PATL1: variants seen among roughly 807,000 people sequenced by gnomAD.
The protein encoded by PATL1 is protein PAT1 homolog 1.
A neutral mutation model predicts 100.6 loss-of-function variants in PATL1; 32 were observed. The ratio of observed to expected loss-of-function variants is 0.32; its 90% CI spans 0.24 to 0.43. The LOEUF (loss-of-function observed/expected upper bound fraction) is 0.43, where lower values mean the gene tolerates loss of function less well. PATL1 is among the 20% of genes least tolerant of loss of function. The pLI is 1.00. For missense variants in PATL1, 747 were observed against 949.9 expected (o/e 0.79, Z 2.81); for synonymous variants, 332 against 330.0 (o/e 1.01, Z -0.07).
At chr11:59,666,201 G>A (rs151248115) in intron 2 of PATL1, among the ~76,000 whole-genome samples, 14,165 of 151,646 alleles carry the variant, frequency 0.093, 1,195 homozygotes, top group African/African-American at 0.22. Flanking sequence ...AGCCAAGATC[G>A]TGCCACTGCA....
chr11:59,647,095 T>C (rs928193658), intron 15 of PATL1, among the ~76,000 whole-genome samples: 3 of 151,794 alleles, frequency 2.0e-5, no homozygotes, highest in African/African-American at 7.3e-5. Context: ...TGGTGTCGCA[T>C]GCCTGTAGTC....
intron 15 of PATL1, among the ~76,000 whole-genome samples, chr11:59,643,405 T>C (rs1379424439): frequency 5.3e-5 from 8 of 152,044 alleles, no homozygotes; most frequent in African/African-American, 1.2e-4. Flanking sequence ...ATCTAAAGTA[T>C]AGCGGAGAAG....
intron 14 of PATL1, among the ~76,000 whole-genome samples, chr11:59,648,705 A>G (rs1861399158): frequency 6.6e-6 from 1 of 152,222 alleles, no homozygotes; most frequent in African/African-American, 2.4e-5. Context: ...GTCAATAAAT[A>G]TATTTCAACT....
chr11:59,658,877 G>A lies in PATL1; in HGVS notation c.415C>T (p.Leu139=). The A allele has an allele frequency of 1.3e-6, 2 of 1,548,722 alleles. No individual in the cohort carries two copies. Among genetic ancestry groups the A allele is most frequent in the Non-Finnish European group, 1.7e-6 (2 of 1,146,214 alleles). ...SEVLRRIRGP[L]LAQEMPTVSV... ...AAAATATTTAATACCTGAGCAAGCAGTGGTCCTCGGATTCGCCTCAGAACT... is the reference window on the plus strand; with the variant it reads ...AAAATATTTAATACCTGAGCAAGCAATGGTCCTCGGATTCGCCTCAGAACT... Residue 139 remains leucine, a synonymous_variant, in exon 4 of 19, where the codon CTG becomes TTG. Coordinates refer to ENST00000300146, the MANE Select transcript of PATL1 (RefSeq NM_152716.3).
At chr11:59,663,736 C>T (rs556986786) in intron 2 of PATL1, among the ~76,000 whole-genome samples, 1 of 152,172 alleles carries the variant, frequency 6.6e-6, no homozygotes, top group African/African-American at 2.4e-5. Context: ...AGACTAGTTT[C>T]TTAAGGAAAG....
At chr11:59,659,130 T>C in intron 3 of PATL1, 122 bp downstream of exon 3, 2 of 993,128 alleles carry the variant, frequency 2.0e-6, no homozygotes, top group Non-Finnish European at 3.0e-6. Context: ...GGAAATATAT[T>C]ATCAATTTTC....
In PATL1 at chr11:59,668,952, C is replaced by G; in HGVS notation, c.-57G>C. 2.6e-6 allele frequency: 1 copy of G among 378,800 alleles called. No individual in the cohort carries two copies. Among genetic ancestry groups the G allele is most frequent in the Non-Finnish European group, 4.9e-6 (1 of 203,150 alleles). The allele number at this position is 378,800 out of a possible 1,614,324, so 23.5% of individuals were successfully genotyped here. On this transcript the variant is annotated 5_prime_UTR_variant, in exon 1 of 19. Coordinates refer to ENST00000300146, the MANE Select transcript of PATL1 (RefSeq NM_152716.3). ...GAGAGGGGGAGGGAGGGAAGAAGCG[C>G]TGACTCCCCGGCTCCTCCGCGCGCG...
intron 1 of PATL1, among the ~76,000 whole-genome samples, chr11:59,668,037 T>C (rs552202983): frequency 3.9e-5 from 6 of 152,364 alleles, no homozygotes; most frequent in Admixed American, 3.9e-4. Flanking sequence ...TCCAAACTCA[T>C]GCCAATAGGC....
rs1861596210 is a variant in PATL1 at position 59,659,408 on chromosome 11, T to C, written c.189A>G (p.Ala63=). The change falls in exon 3 of 19, where the codon GCA becomes GCG. Residue 63 remains alanine, a synonymous_variant. Transcript: ENST00000300146. ...CTCCATTGCCTGTTTGTTCATTAACTGCCACTGGTAGCTTTTCTTCCAATT... is the reference window on the plus strand; with the variant it reads ...CTCCATTGCCTGTTTGTTCATTAACCGCCACTGGTAGCTTTTCTTCCAATT... ...LAELEEKLPV[A]VNEQTGNGER... is the part of the protein sequence containing the mutation. 3.9e-6 allele frequency: 6 copies of C among 1,551,346 alleles called. No homozygotes were observed. The highest frequency in any genetic ancestry group is 2.4e-5 in the East Asian group (1 of 40,942).
At chr11:59,668,403 C>T (rs1396129746) in intron 1 of PATL1, among the ~76,000 whole-genome samples, 1 of 152,200 alleles carries the variant, frequency 6.6e-6, no homozygotes, top group African/African-American at 2.4e-5. Flanking sequence ...CAACGGCAAG[C>T]CCAGGCCCCC....
chr11:59,642,070 G>A (rs1861289986), intron 16 of PATL1, among the ~76,000 whole-genome samples: 1 of 152,138 alleles, frequency 6.6e-6, no homozygotes, highest in Admixed American at 6.5e-5. Context: ...TAAGTACCAG[G>A]ACAACTCTAT....
chr11:59,666,768 CT>C (rs1163354642), intron 2 of PATL1, 84 bp downstream of exon 2: 14 of 1,379,218 alleles, frequency 1.0e-5, no homozygotes, highest in Admixed American at 5.1e-5. Context: ...AAGGTTACCC[CT>C]AATAAGATAA....
chr11:59,641,614 G>A (rs943345515), intron 16 of PATL1, among the ~76,000 whole-genome samples: 3 of 151,826 alleles, frequency 2.0e-5, no homozygotes, highest in Non-Finnish European at 2.9e-5. Context: ...TTAGTTGTGC[G>A]TGGTGGCATG....
rs1350541304 is a variant in PATL1 at position 59,638,174 on chromosome 11, A to G, written c.*216T>C. On this transcript the variant is annotated 3_prime_UTR_variant, in exon 19 of 19. Transcript: ENST00000300146. ...ATGCAGAACTGTAACACAGAAGGTA[A>G]AGAAACCAGCAGAAGTATCACCCAG... 1.7e-6 allele frequency: 1 copy of G among 591,782 alleles called. No homozygotes were observed. The highest frequency in any genetic ancestry group is 3.0e-6 in the Non-Finnish European group (1 of 331,982). 36.7% of individuals were successfully genotyped at this position (591,782 alleles called of 1,614,324 possible).
intron 6 of PATL1, 143 bp from the exon 7 acceptor site, chr11:59,656,188 G>C: frequency 3.5e-6 from 2 of 575,142 alleles, no homozygotes; most frequent in Non-Finnish European, 5.9e-6. Context: ...TAGAAAAAAA[G>C]AGTAATGCTA....
intron 15 of PATL1, among the ~76,000 whole-genome samples, chr11:59,643,814 A>G (rs1281300792): frequency 1.3e-5 from 2 of 152,224 alleles, no homozygotes; most frequent in Admixed American, 6.5e-5. Context: ...AAGTGATCAG[A>G]AACTCAGTGT....
intron 11 of PATL1, 95 bp downstream of exon 11, chr11:59,652,369 C>T: frequency 6.9e-7 from 1 of 1,448,494 alleles, no homozygotes; most frequent in Non-Finnish European, 9.2e-7. Flanking sequence ...AACATCTTTG[C>T]ATATCCTTCC....
intron 11 of PATL1, 52 bp downstream of exon 11, chr11:59,652,412 G>T (rs1861460487): frequency 6.4e-7 from 1 of 1,574,602 alleles, no homozygotes; most frequent in African/African-American, 1.4e-5. Context: ...AATCACATCA[G>T]CAGCTTCTCA....
At position 59,639,152 on chromosome 11, in the gene PATL1, G is replaced by A. The variant is rs1386783600; in HGVS notation, c.2187C>T (p.Pro729=). The A allele has an allele frequency of 1.9e-6, 3 of 1,613,854 alleles. No individual in the cohort carries two copies. Among genetic ancestry groups the A allele is most frequent in the Admixed American group, 3.3e-5 (2 of 59,998 alleles). The change falls in exon 18 of 19, where the codon CCC becomes CCT. Residue 729 remains proline, a synonymous_variant. Coordinates refer to ENST00000300146, the MANE Select transcript of PATL1 (RefSeq NM_152716.3). The part of the protein sequence containing the change: ...FMATRELLRI[P]QAALAKPISI... Reference sequence around the variant, plus strand: ...AGATTGGCTTGGCCAGGGCTGCTTGGGGAATCCGCAGAAGTTCTCGTGTTG... The same window carrying A: ...AGATTGGCTTGGCCAGGGCTGCTTGAGGAATCCGCAGAAGTTCTCGTGTTG...
Sources: gnomAD v4.1 joint callset for allele counts (sites outside exome capture counted in the v4.1 genomes callset) on GRCh38, gnomAD v4.1.1 for gene constraint, MANE v1.5 for transcripts, NCBI Gene and HGNC (gene_info 2026-07-23, HGNC 2026-07-21) for gene names.